COPE: variants seen among roughly 807,000 people sequenced by gnomAD.
The protein encoded by COPE is coatomer subunit epsilon.
Under a neutral mutation model 42.1 loss-of-function variants are expected in COPE, and 19 were observed. That is an observed-to-expected ratio of 0.45 (90% CI 0.31 to 0.66). COPE has a LOEUF of 0.66. Ranked by LOEUF, COPE falls within the 30% of genes least tolerant of loss-of-function variation. COPE has a pLI of 0.05. For synonymous variants in COPE, 195 were observed against 181.3 expected, an observed-to-expected ratio of 1.08 and a Z score of -0.60; for missense variants, 402 against 416.1, an observed-to-expected ratio of 0.97 and a Z score of 0.30.
intron 2 of COPE, among the ~76,000 whole-genome samples, chr19:18,912,599 A>C (rs2056820476): frequency 6.6e-6 from 1 of 152,156 alleles, no homozygotes; most frequent in Admixed American, 6.5e-5. Context: ...TTTATTAAAA[A>C]TATAAAAATT....
At position 18,919,306 on chromosome 19, in the gene COPE, C is replaced by T; in HGVS notation, c.43G>A (p.Glu15Lys). 4 of 1,613,806 alleles carry T rather than the reference C, an allele frequency of 2.5e-6. No individual in the cohort carries two copies. The highest frequency in any genetic ancestry group is 2.2e-5 in the East Asian group (1 of 44,886). ...TTTACGTCGAACAGCTCGTCTACCTCCCCGGAGCCGCCGGAGGCCGGGCCG... is the reference window on the plus strand; with the variant it reads ...TTTACGTCGAACAGCTCGTCTACCTTCCCGGAGCCGCCGGAGGCCGGGCCG... ...APGPASGGSG[E>K]VDELFDVKNA... Residue 15 changes from glutamate (E) to lysine (K), a missense_variant, in exon 1 of 10, where the codon GAG becomes AAG. Transcript: ENST00000262812.
At chr19:18,912,182 T>C (rs1452774416) in intron 2 of COPE, among the ~76,000 whole-genome samples, 1 of 152,134 alleles carries the variant, frequency 6.6e-6, no homozygotes, top group African/African-American at 2.4e-5. Context: ...GGTCTTGCTA[T>C]GTTGTCCAGG....
chr19:18,899,517 G>C lies in COPE; in HGVS notation c.*162C>G. 3 of 681,598 alleles carry C rather than the reference G, an allele frequency of 4.4e-6. No individual in the cohort carries two copies. Among genetic ancestry groups the C allele is most frequent in the Non-Finnish European group, 7.6e-6 (3 of 396,680 alleles). 42.2% of individuals were successfully genotyped at this position (681,598 alleles called of 1,614,324 possible). Reference sequence around the variant, plus strand: ...GCAAAGTGACCAGAGCACATCATCAGGTGGAACACCCTGGAGTTGAGATAT... The same window carrying C: ...GCAAAGTGACCAGAGCACATCATCACGTGGAACACCCTGGAGTTGAGATAT... On this transcript the variant is annotated 3_prime_UTR_variant, in exon 10 of 10. Coordinates refer to ENST00000262812, the MANE Select transcript of COPE (RefSeq NM_007263.4).
At chr19:18,907,135 AC>A in intron 3 of COPE, 23 bp from the exon 4 acceptor site, 1 of 1,605,524 alleles carries the variant, frequency 6.2e-7, no homozygotes. Context: ...GATGCTCACG[AC>A]CCACAGCTGG....
At position 18,906,998 on chromosome 19, in the gene COPE, G is replaced by T; in HGVS notation, c.405C>A (p.Ala135=). The part of the protein sequence containing the change: ...SIYLHDQNPD[A]ALRALHQGDS... Reference sequence around the variant, plus strand: ...CCCCCTGGTGCAGCGCACGCAGGGCGGCATCCGGGTTCTGGTCGTGGAGAT... The same window carrying T: ...CCCCCTGGTGCAGCGCACGCAGGGCTGCATCCGGGTTCTGGTCGTGGAGAT... Residue 135 remains alanine, a synonymous_variant, in exon 4 of 10, where the codon GCC becomes GCA. Transcript: ENST00000262812. The T allele has an allele frequency of 1.3e-6, 2 of 1,583,552 alleles. No homozygotes were observed. Among genetic ancestry groups the T allele is most frequent in the East Asian group, 2.3e-5 (1 of 43,336 alleles).
At chr19:18,917,280 G>C (rs1343163125) in intron 1 of COPE, among the ~76,000 whole-genome samples, 1 of 100,302 alleles carries the variant, frequency 1.0e-5, no homozygotes, top group Non-Finnish European at 1.9e-5. Context: ...TCTCACTTTT[G>C]ACATAGTAAG....
In COPE at chr19:18,899,869, T is replaced by C. The variant is rs2056679593; in HGVS notation, c.879+4A>G. The C allele has an allele frequency of 6.2e-7, 1 of 1,613,100 alleles. No homozygotes were observed. Among genetic ancestry groups the C allele is most frequent in the African/African-American group, 1.3e-5 (1 of 75,014 alleles). The stretch of plus-strand genomic sequence containing the variant: ...CTCGGGGACAGGCCATCCCCACCAC[T>C]CACCTTGGCCTGGTACTCCTTGATG... On this transcript the variant is annotated splice_donor_region_variant and intron_variant, in intron 9 of 9. Transcript: ENST00000262812.
At chr19:18,910,721 C>T (rs920772851) in intron 3 of COPE, 2 of 560,476 alleles carry the variant, frequency 3.6e-6, no homozygotes, top group South Asian at 4.3e-5. Context: ...GCCTTGTGGT[C>T]CATGAGGGCG....
chr19:18,908,352 G>A (rs1414200937), intron 3 of COPE, among the ~76,000 whole-genome samples: 3 of 151,544 alleles, frequency 2.0e-5, no homozygotes, highest in South Asian at 4.2e-4. Flanking sequence ...GCTTCAGCCC[G>A]GGAGGTTGAA....
chr19:18,901,278 C>T (rs765139624), intron 7 of COPE, among the ~76,000 whole-genome samples: 79 of 152,366 alleles, frequency 5.2e-4, no homozygotes, highest in Non-Finnish European at 9.3e-4. Context: ...GAACGTGTCA[C>T]CTGAGAGGTG....
At chr19:18,906,102 CTCTTGT>C (rs1239304705) in intron 4 of COPE, 1 of 399,512 alleles carries the variant, frequency 2.5e-6, no homozygotes, top group Non-Finnish European at 4.4e-6. Flanking sequence ...CTCGTGAGGC[CTCTTGT>C]TCTTGTTTTC....
At chr19:18,905,438 C>A (rs372176142) in intron 5 of COPE, 138 bp downstream of exon 5, 4 of 862,046 alleles carry the variant, frequency 4.6e-6, no homozygotes, top group Non-Finnish European at 6.9e-6. Flanking sequence ...AAGGGCTGAA[C>A]GACAGCAAGC....
intron 6 of COPE, among the ~76,000 whole-genome samples, chr19:18,903,885 C>T (rs1026641875): frequency 2.0e-5 from 3 of 152,226 alleles, no homozygotes; most frequent in Non-Finnish European, 4.4e-5. Flanking sequence ...ATAGGTCTGC[C>T]GGGGCCTGTC....
chr19:18,912,945 T>C (rs1258158824), intron 2 of COPE, 39 bp downstream of exon 2: 1 of 1,604,252 alleles, frequency 6.2e-7, no homozygotes, highest in African/African-American at 1.3e-5. Context: ...CCCTCTACTC[T>C]GTTCATCACT....
rs1421253304 is a variant in COPE, at chr19:18,919,357, C to CCA, written c.-10_-9insTG. 1.3e-5 allele frequency: 21 copies of CCA among 1,612,814 alleles called. No homozygotes were observed. Among genetic ancestry groups the CCA allele is most frequent in the African/African-American group, 4.0e-5 (3 of 74,924 alleles). On this transcript the variant is annotated 5_prime_UTR_variant, in exon 1 of 10. In the 5' UTR this introduces an upstream ATG that the reference lacks. Transcript: ENST00000262812. The stretch of plus-strand genomic sequence containing the variant: ...GGGGCCGGAGGCGCCATTTCGCTGT[C>CCA]TTCTCACCAGCTCCTCTTCCTGAAA...
At chr19:18,905,692 C>T (rs753457343) in intron 4 of COPE, 63 bp from the exon 5 acceptor site, 1 of 1,507,594 alleles carries the variant, frequency 6.6e-7, no homozygotes, top group Non-Finnish European at 9.0e-7. Context: ...GGCCGCTCCA[C>T]ACCCAGGGCT....
Position 18,911,057 on chromosome 19 carries a change from C to G in COPE, c.204G>C (p.Val68=), listed in dbSNP as rs763627633. The G allele has an allele frequency of 9.3e-6, 15 of 1,613,850 alleles. No individual in the cohort carries two copies. The highest frequency in any genetic ancestry group is 1.7e-5 in the Admixed American group (1 of 59,994). ...AGGAGGGCTTGATCTCATCCAGGAC[C>G]ACACCGAACTTCCTCTGCAGTAGGG... is the stretch of plus-strand genomic sequence containing the variant. ...RAYLAQRKFG[V]VLDEIKPSSA... is the part of the protein sequence containing the mutation. The change falls in exon 3 of 10, where the codon GTG becomes GTC. Residue 68 remains valine (V), a synonymous_variant. Coordinates refer to ENST00000262812, the MANE Select transcript of COPE (RefSeq NM_007263.4).
chr19:18,911,598 C>A (rs2056811033), intron 2 of COPE, among the ~76,000 whole-genome samples: 1 of 151,902 alleles, frequency 6.6e-6, no homozygotes. Context: ...GTCGCCCAGG[C>A]TGGAGTGCAG....
At chr19:18,917,241 CTTTTTT>C (rs531312180) in intron 1 of COPE, among the ~76,000 whole-genome samples, 4 of 110,700 alleles carry the variant, frequency 3.6e-5, no homozygotes, top group African/African-American at 9.7e-5. Flanking sequence ...TTCTTTTTTT[CTTTTTT>C]TTTTTTTTTT....
Sources: gnomAD v4.1 joint callset for allele counts (sites outside exome capture counted in the v4.1 genomes callset) on GRCh38, gnomAD v4.1.1 for gene constraint, MANE v1.5 for transcripts, NCBI Gene and HGNC (gene_info 2026-07-23, HGNC 2026-07-21) for gene names.